TNIK: variants seen among roughly 807,000 people sequenced by gnomAD.
The protein encoded by TNIK is TRAF2 and NCK interacting kinase, also known as TRAF2 and NCK-interacting protein kinase.
TNIK carries 49 observed loss-of-function variants against 191.3 expected under a neutral mutation model. The observed-to-expected ratio is 0.26, with a 90% confidence interval of 0.20 to 0.32. The LOEUF is 0.32. Ranked by LOEUF, TNIK falls within the 10% of genes least tolerant of loss-of-function variation. TNIK has a pLI of 1.00. For synonymous variants in TNIK, 594 were observed against 600.9 expected (o/e 0.99, Z 0.17); for missense variants, 1,155 against 1,702.3 (o/e 0.68, Z 5.66).
chr3:171,315,636 T>C (rs1219202688), intron 2 of TNIK, among the ~76,000 whole-genome samples: 1 of 152,128 alleles, frequency 6.6e-6, no homozygotes, highest in Non-Finnish European at 1.5e-5. Context: ...GTTGGTTCTT[T>C]CTGGAAGTTC....
At chr3:171,121,138 G>A (rs867236784) in intron 18 of TNIK, among the ~76,000 whole-genome samples, 1 of 152,096 alleles carries the variant, frequency 6.6e-6, no homozygotes, top group African/African-American at 2.4e-5. Context: ...AAGACTAGGA[G>A]GAAAAACAGA....
In TNIK at chr3:171,399,800, T is replaced by C. The variant is rs796764566; in HGVS notation, c.58-30115A>G. ...TGGCATGTATATCTGAGTGACATTA[T>C]AGTGATAAAAAATTTATTTTATTCT... On this transcript the variant is annotated intron_variant, in intron 1 of 32. Transcript: ENST00000436636. Among the ~76,000 whole-genome samples, 16 of 152,214 alleles carry C rather than the reference T, an allele frequency of 1.1e-4. 1 individual carries two copies. Among genetic ancestry groups the C allele is most frequent in the African/African-American group, 3.6e-4 (15 of 41,472 alleles).
chr3:171,453,471 G>A lies in TNIK; in HGVS notation c.57+6536C>T, dbSNP rs562786624. 5.3e-5 allele frequency among the ~76,000 whole-genome samples: 8 copies of A among 152,268 alleles called. No individual in the cohort carries two copies. In the South Asian group the frequency reaches 8.3e-4, roughly 16 times the overall value. ...AATTGTTCCCTGCCGCAATGGGGGA[G>A]TGGTCGTCAAAACTGCAGAGCTCGG... On this transcript the variant is annotated intron_variant, in intron 1 of 32. Transcript: ENST00000436636.
chr3:171,097,451 C>T (rs1022136915), intron 22 of TNIK, among the ~76,000 whole-genome samples: 6 of 152,158 alleles, frequency 3.9e-5, no homozygotes, highest in Non-Finnish European at 7.4e-5. Context: ...ATGTCCCTAC[C>T]CAAATCTCAT....
intron 7 of TNIK, among the ~76,000 whole-genome samples, chr3:171,181,203 T>G (rs115569062): frequency 0.013 from 1,942 of 152,352 alleles, 39 homozygotes; most frequent in African/African-American, 0.044. Flanking sequence ...TTTAGCTACA[T>G]GCAGACTGTT....
chr3:171,109,925 A>G (rs1347449361), intron 19 of TNIK, among the ~76,000 whole-genome samples: 2 of 148,422 alleles, frequency 1.3e-5, no homozygotes, highest in Admixed American at 6.7e-5. Flanking sequence ...TTTTTTTTTG[A>G]TGGAGTTTCA....
intron 2 of TNIK, among the ~76,000 whole-genome samples, chr3:171,252,920 C>T (rs1369005671): frequency 2.0e-5 from 3 of 152,044 alleles, no homozygotes; most frequent in Non-Finnish European, 4.4e-5. Context: ...TGTAGAGAAG[C>T]ATTTCATGTT....
At position 171,194,648 on chromosome 3, in the gene TNIK, G is replaced by A. The variant is rs756352778; in HGVS notation, c.307-13C>T. 12 of 1,603,916 alleles carry A rather than the reference G, an allele frequency of 7.5e-6. No homozygotes were observed. Among genetic ancestry groups the A allele is most frequent in the South Asian group, 5.6e-5 (5 of 89,708 alleles). ...ACTCCATCACCAACTGGCAAAGGAA[G>A]CAAACAAGCCATTATTTTAATGATG... is the stretch of plus-strand genomic sequence containing the variant. On this transcript the variant is annotated splice_polypyrimidine_tract_variant and intron_variant, in intron 4 of 32. Coordinates refer to ENST00000436636, the MANE Select transcript of TNIK (RefSeq NM_015028.4).
At chr3:171,305,093 A>G (rs1753309455) in intron 2 of TNIK, among the ~76,000 whole-genome samples, 1 of 151,736 alleles carries the variant, frequency 6.6e-6, no homozygotes. Flanking sequence ...GCCACAGACA[A>G]GCTTTAAGTG....
At position 171,126,088 on chromosome 3, in the gene TNIK, C is replaced by G; in HGVS notation, c.1837G>C (p.Glu613Gln). 1 of 1,605,106 alleles carries G rather than the reference C, an allele frequency of 6.2e-7. No homozygotes were observed. Among genetic ancestry groups the G allele is most frequent in the Non-Finnish European group, 8.5e-7 (1 of 1,175,102 alleles). ...PALTASQSVHEQPTKGLSGFQ... is the reference protein window; with the variant it reads ...PALTASQSVHQQPTKGLSGFQ... ...CCAGAGAGGCCCTTTGTGGGCTGCT[C>G]GTGCACTGACTGGGAGGCGGTCAAG... Residue 613 changes from glutamate (E) to glutamine (Q), a missense_variant, in exon 17 of 33, where the codon GAG (glutamate) becomes CAG (glutamine). Around this residue, in one of 3 missense-constraint regions of TNIK, gnomAD observed 735 missense variants for 848.0 expected, o/e 0.87. Transcript: ENST00000436636.
At chr3:171,259,593 A>G (rs1747337100) in intron 2 of TNIK, among the ~76,000 whole-genome samples, 1 of 152,204 alleles carries the variant, frequency 6.6e-6, no homozygotes, top group African/African-American at 2.4e-5. Flanking sequence ...AAATAACCCA[A>G]TAGATTACTA....
chr3:171,361,076 C>T (rs1367921251), intron 2 of TNIK, among the ~76,000 whole-genome samples: 2 of 152,122 alleles, frequency 1.3e-5, no homozygotes, highest in African/African-American at 4.8e-5. Flanking sequence ...AGACTCATCT[C>T]CAAAGACAAA....
In TNIK at chr3:171,400,572, C is replaced by CAATAAATA. The variant is rs10529118; in HGVS notation, c.58-30895_58-30888dup. On this transcript the variant is annotated intron_variant, in intron 1 of 32. Transcript: ENST00000436636. ...AACAGAGTGAGACCCTCCTATCTCA[C>CAATAAATA]AATAAATAAATAAATAAATAAATAA... is the stretch of plus-strand genomic sequence containing the variant. Among the ~76,000 whole-genome samples the CAATAAATA allele has an allele frequency of 4.0e-3, 587 of 145,842 alleles. 10 individuals carry two copies. The highest frequency in any genetic ancestry group is 0.014 in the African/African-American group (542 of 39,048).
chr3:171,263,767 A>AG (rs1342076568), intron 2 of TNIK, among the ~76,000 whole-genome samples: 3 of 151,916 alleles, frequency 2.0e-5, no homozygotes, highest in Admixed American at 6.6e-5. Flanking sequence ...CAGCCAGGTA[A>AG]GGGGTGCTTA....
intron 18 of TNIK, among the ~76,000 whole-genome samples, chr3:171,116,208 A>G (rs1683667920): frequency 6.6e-6 from 1 of 152,208 alleles, no homozygotes; most frequent in Non-Finnish European, 1.5e-5. Flanking sequence ...TTCATTATGT[A>G]TTAAATGATC....
chr3:171,065,944 T>C (rs1031188496), intron 32 of TNIK, among the ~76,000 whole-genome samples: 7 of 152,194 alleles, frequency 4.6e-5, no homozygotes, highest in African/African-American at 1.7e-4. Context: ...TCAAAAGGCC[T>C]TTAGGCCACA....
At chr3:171,285,616 GTATTAT>G (rs765413946) in intron 2 of TNIK, among the ~76,000 whole-genome samples, 21 of 152,246 alleles carry the variant, frequency 1.4e-4, no homozygotes, top group East Asian at 5.8e-4. Flanking sequence ...CACCAAATCA[GTATTAT>G]TATTATTAAG....
intron 3 of TNIK, among the ~76,000 whole-genome samples, chr3:171,221,618 C>T (rs1413487534): frequency 1.3e-5 from 2 of 152,108 alleles, no homozygotes; most frequent in African/African-American, 4.8e-5. Flanking sequence ...CTGTCTTGTT[C>T]ACTGGATGAC....
chr3:171,113,440 C>T (rs915395191), intron 18 of TNIK, among the ~76,000 whole-genome samples: 5 of 151,992 alleles, frequency 3.3e-5, no homozygotes, highest in African/African-American at 1.2e-4. Context: ...CCCATCTCTA[C>T]TAAAAATACA....
Sources: gnomAD v4.1 joint callset for allele counts (sites outside exome capture counted in the v4.1 genomes callset) on GRCh38, gnomAD v4.1.1 for gene constraint, gnomAD v4.1.1 regional missense constraint, MANE v1.5 for transcripts, NCBI Gene and HGNC (gene_info 2026-07-23, HGNC 2026-07-21) for gene names.